The following HLF variants were observed in gnomAD, a reference collection of about 807,000 sequenced individuals.
HLF encodes hepatic leukemia factor.
A neutral mutation model predicts 22.6 loss-of-function variants in HLF; 3 were observed. The observed-to-expected ratio is 0.13, with a 90% CI of 0.06 to 0.34. The LOEUF (loss-of-function observed/expected upper bound fraction) is 0.34. HLF is among the 10% of genes least tolerant of loss of function. The probability of loss-of-function intolerance (pLI) is 1.00; values close to 1 mark genes in which losing one functional copy is unlikely to be tolerated. For missense variants in HLF, 299 were observed against 389.2 expected, an observed-to-expected ratio of 0.77 and a Z score of 1.95; for synonymous variants, 151 against 151.8, an observed-to-expected ratio of 0.99 and a Z score of 0.04.
chr17:55,303,467 G>A (rs1904393812), intron 2 of HLF, among the ~76,000 whole-genome samples: 1 of 152,230 alleles, frequency 6.6e-6, no homozygotes, highest in Non-Finnish European at 1.5e-5. Flanking sequence ...ACTTTGGGAT[G>A]GAGTGAGAAG....
intron 2 of HLF, among the ~76,000 whole-genome samples, chr17:55,297,924 AT>A (rs1309400999): frequency 6.6e-6 from 1 of 151,394 alleles, no homozygotes; most frequent in Non-Finnish European, 1.5e-5. Flanking sequence ...TAATCTTTGT[AT>A]TTTTAGTAGA....
At chr17:55,295,658 G>A (rs2081105499) in intron 2 of HLF, among the ~76,000 whole-genome samples, 1 of 152,236 alleles carries the variant, frequency 6.6e-6, no homozygotes, top group African/African-American at 2.4e-5. Context: ...GTTAGTGGGA[G>A]GGCAGGCAAA....
chr17:55,314,315 T>C (rs1368482541), intron 2 of HLF, among the ~76,000 whole-genome samples: 1 of 152,200 alleles, frequency 6.6e-6, no homozygotes, highest in Non-Finnish European at 1.5e-5. Flanking sequence ...TCTTTCTAAT[T>C]TGTTAAATAT....
Position 55,265,507 on chromosome 17 carries a change from TC to T in HLF, c.28del (p.Leu10Ter). 1 of 1,606,348 alleles carries T rather than the reference TC, an allele frequency of 6.2e-7. No homozygotes were observed. ...GCGATGGAGAAAATGTCCCGACCGC[TC>T]CCCCTGAATCCCACCTTTATCCCGC... MEKMSRPLPLNPTFIPPP... is the reference protein window; with the variant it reads MEKMSRPXPLNPTFIPPP... On this transcript the variant is annotated frameshift_variant, in exon 1 of 4. Transcript: ENST00000226067. LOFTEE classifies it high-confidence loss of function.
At position 55,320,880 on chromosome 17, in the gene HLF, G is replaced by A; in HGVS notation, c.*1G>A. The A allele has an allele frequency of 6.2e-7, 1 of 1,608,756 alleles. No individual in the cohort carries two copies. The highest frequency in any genetic ancestry group is 8.5e-7 in the Non-Finnish European group (1 of 1,177,934). The stretch of plus-strand genomic sequence containing the variant: ...TGAGGCCAGGCACGGGCCCCTGTAG[G>A]ATGGCATTTTTGCAGGCTGGCTTTG... On this transcript the variant is annotated 3_prime_UTR_variant, in exon 4 of 4. Transcript: ENST00000226067. This position sits in a 1 kb window ranked among gnomAD's most constrained non-coding sequence, Gnocchi z 4.2.
chr17:55,312,629 T>TA (rs1904882853), intron 2 of HLF, among the ~76,000 whole-genome samples: 1 of 152,228 alleles, frequency 6.6e-6, no homozygotes, highest in Non-Finnish European at 1.5e-5. Context: ...TTAAATCACT[T>TA]ATGTGTAAAA....
intron 3 of HLF, among the ~76,000 whole-genome samples, chr17:55,319,596 C>T (rs115870982): frequency 4.5e-4 from 68 of 152,256 alleles, no homozygotes; most frequent in African/African-American, 1.6e-3. Flanking sequence ...TGTTTTTACA[C>T]TGACCACAGT....
At position 55,322,022 on chromosome 17, in the gene HLF, GTTGA is replaced by G. The variant is rs756916178; in HGVS notation, c.*1146_*1149del. On this transcript the variant is annotated 3_prime_UTR_variant, in exon 4 of 4. Transcript: ENST00000226067. ...TTTGTTGTTTTTAAAAAGAAAATCA[GTTGA>G]TTAAGTTAATAAGTTGATGTTTTCT... The G allele has an allele frequency of 1.4e-5, 3 of 217,252 alleles. No homozygotes were observed. Among genetic ancestry groups the G allele is most frequent in the Non-Finnish European group, 2.8e-5 (3 of 107,928 alleles). 13.5% of individuals were successfully genotyped at this position (217,252 alleles called of 1,614,324 possible). A position where few individuals can be genotyped will look rare whatever the true frequency, so the allele number is the denominator to read the frequency against.
chr17:55,265,816 A>G (rs1468120571), intron 1 of HLF: 2 of 1,299,252 alleles, frequency 1.5e-6, no homozygotes, highest in Admixed American at 4.2e-5. Context: ...AGCTACATTT[A>G]AAAGAGCTTC....
intron 2 of HLF, among the ~76,000 whole-genome samples, chr17:55,268,512 C>A (rs556888467): frequency 3.3e-5 from 5 of 152,214 alleles, no homozygotes; most frequent in Admixed American, 2.0e-4. Flanking sequence ...GGTAGACTCT[C>A]AATAGGGTTT....
At position 55,323,582 on chromosome 17, in the gene HLF, A is replaced by G. The variant is rs1350933580; in HGVS notation, c.*2703A>G. 4.4e-6 allele frequency: 1 copy of G among 226,232 alleles called. No individual in the cohort carries two copies. Among genetic ancestry groups the G allele is most frequent in the Non-Finnish European group, 8.8e-6 (1 of 113,546 alleles). The allele number at this position is 226,232 out of a possible 1,614,324, so 14.0% of individuals were successfully genotyped here. On this transcript the variant is annotated 3_prime_UTR_variant, in exon 4 of 4. Coordinates refer to ENST00000226067, the MANE Select transcript of HLF (RefSeq NM_002126.5). ...GTTTCAGAAACCTACCTCGTCTTAC[A>G]AATTTAAACACTTTGGAGTCTGTAC... is the stretch of plus-strand genomic sequence containing the variant.
intron 2 of HLF, among the ~76,000 whole-genome samples, chr17:55,301,650 A>G (rs373720056): frequency 1.3e-5 from 2 of 152,254 alleles, no homozygotes; most frequent in African/African-American, 4.8e-5. Flanking sequence ...AGCAGAGAGC[A>G]TGAGATAGGA....
At chr17:55,295,726 G>A (rs1185112588) in intron 2 of HLF, among the ~76,000 whole-genome samples, 1 of 152,196 alleles carries the variant, frequency 6.6e-6, no homozygotes, top group East Asian at 1.9e-4. Flanking sequence ...TATGCCAAAG[G>A]TATGAACAAA....
intron 2 of HLF, among the ~76,000 whole-genome samples, chr17:55,298,046 A>T (rs11652172): frequency 1.7e-3 from 254 of 152,104 alleles, no homozygotes; most frequent in Non-Finnish European, 2.6e-3. Flanking sequence ...CACCGCGCCC[A>T]GCCAGCATTT....
At chr17:55,318,354 A>G (rs997946331) in intron 3 of HLF, among the ~76,000 whole-genome samples, 6 of 151,670 alleles carry the variant, frequency 4.0e-5, no homozygotes, top group Admixed American at 1.3e-4. Flanking sequence ...CCTCCCTCCC[A>G]CCTGAAAGGT....
intron 2 of HLF, among the ~76,000 whole-genome samples, chr17:55,269,977 T>C (rs1267677020): frequency 6.6e-6 from 1 of 152,346 alleles, no homozygotes; most frequent in South Asian, 2.1e-4. Flanking sequence ...CCTGCACATA[T>C]TGGGTGTTCA....
intron 2 of HLF, among the ~76,000 whole-genome samples, chr17:55,282,140 T>TGTGGGACTGTGCCTACTC (rs1469934964): frequency 6.6e-6 from 1 of 152,220 alleles, no homozygotes; most frequent in Non-Finnish European, 1.5e-5. Context: ...GTAAAAAGGA[T>TGTGGGACTGTGCCTACTC]GTGGGACTGT....
At chr17:55,307,147 C>CTTTTTTTTTTT (rs35828509) in intron 2 of HLF, among the ~76,000 whole-genome samples, 10 of 70,122 alleles carry the variant, frequency 1.4e-4, no homozygotes, top group Non-Finnish European at 2.0e-4. Flanking sequence ...TCTCAGCGGC[C>CTTTTTTTTTTT]TTTTTTTTTT....
chr17:55,310,073 TA>T (rs1295837926), intron 2 of HLF, among the ~76,000 whole-genome samples: 2 of 152,232 alleles, frequency 1.3e-5, no homozygotes, highest in Non-Finnish European at 2.9e-5. Context: ...TAGCCTTGCC[TA>T]ATCTGTGACA....
Sources: allele counts gnomAD v4.1 joint callset (sites outside exome capture counted in the v4.1 genomes callset), GRCh38; gene constraint gnomAD v4.1.1; non-coding constraint Gnocchi (gnomAD v3.1); transcripts MANE v1.5; gene names NCBI Gene and HGNC (gene_info 2026-07-23, HGNC 2026-07-21).